The following OTOGL variants were observed in gnomAD, a reference collection of about 807,000 sequenced individuals.
OTOGL encodes otogelin-like protein.
A neutral mutation model predicts 318.5 loss-of-function variants in OTOGL; 285 were observed. That is an observed-to-expected ratio of 0.89 (90% CI 0.81 to 0.99). OTOGL has a LOEUF of 0.99. Ranked by LOEUF, OTOGL falls within the 50% of genes least tolerant of loss-of-function variation. The probability of loss-of-function intolerance (pLI) is 0.00; values close to 1 mark genes in which losing one functional copy is unlikely to be tolerated. For missense variants in OTOGL, 2,899 were observed against 2,845.6 expected (o/e 1.02, Z -0.43); for synonymous variants, 987 against 936.5 (o/e 1.05, Z -0.99).
intron 31 of OTOGL, among the ~76,000 whole-genome samples, 177 bp downstream of exon 31, chr12:80,313,809 A>C (rs1886805282): frequency 6.6e-6 from 1 of 152,200 alleles, no homozygotes; most frequent in Admixed American, 6.5e-5. Flanking sequence ...AGGACTTATA[A>C]AAATAAATTG....
At chr12:80,331,156 C>A (rs947965535) in intron 37 of OTOGL, among the ~76,000 whole-genome samples, 1 of 152,022 alleles carries the variant, frequency 6.6e-6, no homozygotes, top group African/African-American at 2.4e-5. Context: ...CCAAAACAGT[C>A]TTGAAAAATA....
intron 1 of OTOGL, among the ~76,000 whole-genome samples, chr12:80,141,916 C>T (rs1323883665): frequency 6.6e-6 from 1 of 151,986 alleles, no homozygotes; most frequent in Non-Finnish European, 1.5e-5. Context: ...AGAGAGTACC[C>T]TCATGGCCAC....
At position 80,262,024 on chromosome 12, in the gene OTOGL, G is replaced by A. The variant is rs1191329996; in HGVS notation, c.1945G>A (p.Val649Ile). The change falls in exon 19 of 59, where the codon GTT becomes ATT. Residue 649 changes from valine (V) to isoleucine (I), a missense_variant. Val to Ile is a conservative substitution (Grantham distance 29). Transcript: ENST00000547103. ...ACAACTTCACGCAAATGCGTGGAGA[G>A]TTTCTTCTACCTGTTTTGCACCTGT... ...TPQLHANAWRVSSTCFAPVHV... is the reference protein window; with the variant it reads ...TPQLHANAWRISSTCFAPVHV... 6.2e-7 allele frequency: 1 copy of A among 1,613,152 alleles called. No homozygotes were observed. Among genetic ancestry groups the A allele is most frequent in the Admixed American group, 1.7e-5 (1 of 59,884 alleles).
chr12:80,339,086 T>A lies in OTOGL; in HGVS notation c.4872T>A (p.Asp1624Glu). 1 of 1,605,438 alleles carries A rather than the reference T, an allele frequency of 6.2e-7. No individual in the cohort carries two copies. The highest frequency in any genetic ancestry group is 8.5e-7 in the Non-Finnish European group (1 of 1,173,620). The change falls in exon 43 of 59, where the codon GAT (aspartate) becomes GAA (glutamate). Residue 1624 changes from aspartate (D) to glutamate (E), a missense_variant. Asp to Glu is a conservative substitution (Grantham distance 45). Coordinates refer to ENST00000547103, the MANE Select transcript of OTOGL (RefSeq NM_001378609.3). ...VNRLARKVEV[D>E]SIVVPLPFSS... ...TTATGTTATTCTAGGTAGAAGTGGA[T>A]TCCATTGTTGTGCCTTTGCCCTTTT...
Position 80,222,222 on chromosome 12 carries a change from T to C in OTOGL, c.466T>C (p.Leu156=), listed in dbSNP as rs1878416919. The part of the protein sequence containing the change: ...SYIFAKDCGD[L]EPRYTVWVHN... ...CATTTTTGCAAAGGACTGTGGTGAT[T>C]TGGAGCCTCGGTACACTGTATGGGT... The change falls in exon 7 of 59, where the codon TTG becomes CTG. Residue 156 remains leucine (L), a synonymous_variant. Transcript: ENST00000547103. 1 of 1,597,146 alleles carries C rather than the reference T, an allele frequency of 6.3e-7. No homozygotes were observed. The highest frequency in any genetic ancestry group is 8.5e-7 in the Non-Finnish European group (1 of 1,177,996).
At chr12:80,124,047 A>G (rs1168461104) in intron 1 of OTOGL, among the ~76,000 whole-genome samples, 1 of 152,122 alleles carries the variant, frequency 6.6e-6, no homozygotes, top group African/African-American at 2.4e-5. Context: ...ATTTAACTAG[A>G]TCCCATTTGT....
At chr12:80,272,786 C>A (rs1032576369) in intron 24 of OTOGL, among the ~76,000 whole-genome samples, 2 of 151,992 alleles carry the variant, frequency 1.3e-5, no homozygotes, top group African/African-American at 4.8e-5. Context: ...TTGGAACTGG[C>A]ATTAATCTCT....
intron 11 of OTOGL, 130 bp downstream of exon 11, chr12:80,239,569 A>G (rs1880188083): frequency 3.2e-6 from 2 of 631,862 alleles, no homozygotes; most frequent in Non-Finnish European, 5.0e-6. Flanking sequence ...TAAACTGCAA[A>G]CAGCTATTAA....
intron 1 of OTOGL, among the ~76,000 whole-genome samples, chr12:80,203,789 T>G (rs1468846653): frequency 6.6e-6 from 1 of 152,216 alleles, no homozygotes; most frequent in Non-Finnish European, 1.5e-5. Flanking sequence ...TTTAATTTTC[T>G]CAAGAAGCTA....
At chr12:80,220,605 G>T (rs542190323) in intron 6 of OTOGL, among the ~76,000 whole-genome samples, 4 of 132,286 alleles carry the variant, frequency 3.0e-5, no homozygotes, top group East Asian at 2.1e-4. Context: ...TTCTTCGAGG[G>T]CAAGGGCTTT....
At chr12:80,257,711 T>C (rs1035287765) in intron 17 of OTOGL, 114 bp from the exon 18 acceptor site, 1 of 1,081,110 alleles carries the variant, frequency 9.2e-7, no homozygotes, top group Non-Finnish European at 1.3e-6. Flanking sequence ...ACCACTAGCC[T>C]GCCTCTCCTC....
chr12:80,321,397 G>A (rs1451352174), intron 34 of OTOGL, among the ~76,000 whole-genome samples: 1 of 152,072 alleles, frequency 6.6e-6, no homozygotes, highest in Non-Finnish European at 1.5e-5. Flanking sequence ...TGCCTTTTCT[G>A]TTGAGAATAT....
In OTOGL at chr12:80,380,537, GC is replaced by G. The variant is rs1261807022; in HGVS notation, c.*2490del. Reference sequence around the variant, plus strand: ...AAAAAGATAACTGAGCACACTTCTAGCTAATAAAAAATATTTCACATTCAAT... The same window carrying G: ...AAAAAGATAACTGAGCACACTTCTAGTAATAAAAAATATTTCACATTCAAT... On this transcript the variant is annotated 3_prime_UTR_variant, in exon 59 of 59. Coordinates refer to ENST00000547103, the MANE Select transcript of OTOGL (RefSeq NM_001378609.3). The G allele has an allele frequency of 1.3e-5, 2 of 151,946 alleles. No individual in the cohort carries two copies. Among genetic ancestry groups the G allele is most frequent in the Non-Finnish European group, 2.9e-5 (2 of 67,928 alleles). The allele number at this position is 151,946 out of a possible 1,614,324, so 9.4% of individuals were successfully genotyped here.
At chr12:80,168,942 T>A (rs184606417) in intron 1 of OTOGL, among the ~76,000 whole-genome samples, 1 of 152,210 alleles carries the variant, frequency 6.6e-6, no homozygotes, top group Non-Finnish European at 1.5e-5. Context: ...TTCCTTTTCT[T>A]TCTGCTAACT....
At chr12:80,120,570 T>G (rs1870429504) in intron 1 of OTOGL, among the ~76,000 whole-genome samples, 1 of 152,204 alleles carries the variant, frequency 6.6e-6, no homozygotes, top group Non-Finnish European at 1.5e-5. Context: ...TCTCTCTCAT[T>G]GGAGGATCTC....
intron 25 of OTOGL, 55 bp downstream of exon 25, chr12:80,278,330 A>C: frequency 2.3e-6 from 3 of 1,330,112 alleles, no homozygotes; most frequent in Non-Finnish European, 3.1e-6. Context: ...TGTAAATTTC[A>C]ATCATCTTTT....
At chr12:80,336,340 T>A (rs1257480160) in intron 39 of OTOGL, 73 bp from the exon 40 acceptor site, 6 of 1,429,878 alleles carry the variant, frequency 4.2e-6, no homozygotes, top group Non-Finnish European at 5.5e-6. Context: ...TTAACAGATT[T>A]TTTTAAAAGA....
At position 80,355,922 on chromosome 12, in the gene OTOGL, G is replaced by C. The variant is rs1222172934; in HGVS notation, c.5780G>C (p.Trp1927Ser). 1.2e-6 allele frequency: 2 copies of C among 1,613,870 alleles called. No individual in the cohort carries two copies. Among genetic ancestry groups the C allele is most frequent in the South Asian group, 1.1e-5 (1 of 91,082 alleles). The change falls in exon 47 of 59, where the codon TGG becomes TCG. Residue 1927 changes from tryptophan to serine, a missense_variant. Around this residue, in one of 3 missense-constraint regions of OTOGL, gnomAD observed 2,607 missense variants for 2,524.9 expected, o/e 1.03. Coordinates refer to ENST00000547103, the MANE Select transcript of OTOGL (RefSeq NM_001378609.3). ...GTTGTCATGGGCATCATTGATAAAT[G>C]GACCTGCTGTTCAAAGGAAGTTTGT... ...AEVVMGIIDK[W>S]TCCSKEVCGC...
chr12:80,240,099 A>G (rs1441890567), intron 11 of OTOGL, among the ~76,000 whole-genome samples: 1 of 152,106 alleles, frequency 6.6e-6, no homozygotes, highest in African/African-American at 2.4e-5. Context: ...TTGTGTATAT[A>G]TACCACAATT....
Sources: gnomAD v4.1 joint callset for allele counts (sites outside exome capture counted in the v4.1 genomes callset) on GRCh38, gnomAD v4.1.1 for gene constraint, gnomAD v4.1.1 regional missense constraint, MANE v1.5 for transcripts, NCBI Gene and HGNC (gene_info 2026-07-23, HGNC 2026-07-21) for gene names.